Variants in XPR1 observed in about 807,000 individuals in gnomAD.
XPR1 encodes xenotropic and polytropic retrovirus receptor 1, also known as solute carrier family 53 member 1.
In XPR1, 28 loss-of-function variants were observed where a neutral mutation model predicts 87.5. That is an observed-to-expected ratio of 0.32 (90% confidence interval 0.24 to 0.44). The LOEUF (loss-of-function observed/expected upper bound fraction) is 0.44. XPR1 is among the 20% of genes least tolerant of loss of function. The pLI, the probability that XPR1 is intolerant of heterozygous loss-of-function variation, is 1.00. For synonymous variants in XPR1, 300 were observed against 306.1 expected (o/e 0.98, Z 0.21); for missense variants, 559 against 862.3 (o/e 0.65, Z 4.41).
intron 1 of XPR1, among the ~76,000 whole-genome samples, chr1:180,632,785 C>T (rs1654635341): frequency 6.6e-6 from 1 of 152,234 alleles, no homozygotes; most frequent in Non-Finnish European, 1.5e-5. Flanking sequence ...AGCCCTTCGG[C>T]TTTTTCCCAC....
chr1:180,671,095 T>G (rs1296367030), intron 1 of XPR1, among the ~76,000 whole-genome samples: 2 of 152,220 alleles, frequency 1.3e-5, no homozygotes, highest in African/African-American at 4.8e-5. Flanking sequence ...GGTTAGATTA[T>G]GAAAATCAAA....
At chr1:180,840,532 T>TTGTGTC (rs1553253053) in intron 11 of XPR1, among the ~76,000 whole-genome samples, 7 of 110,448 alleles carry the variant, frequency 6.3e-5, no homozygotes, top group Non-Finnish European at 1.3e-4. Flanking sequence ...GTTAACATAT[T>TTGTGTC]TGTGTGTGTG....
intron 2 of XPR1, among the ~76,000 whole-genome samples, chr1:180,749,919 A>G (rs1647456659): frequency 6.6e-6 from 1 of 152,206 alleles, no homozygotes; most frequent in Non-Finnish European, 1.5e-5. Context: ...AAAAGGGCAA[A>G]TGAAGGGTTG....
At chr1:180,635,454 G>A (rs1571660608) in intron 1 of XPR1, among the ~76,000 whole-genome samples, 2 of 152,152 alleles carry the variant, frequency 1.3e-5, no homozygotes, top group East Asian at 1.9e-4. Flanking sequence ...CAGAATATTA[G>A]CAGAAGAAGC....
At chr1:180,781,852 G>A (rs1648955448) in intron 2 of XPR1, among the ~76,000 whole-genome samples, 1 of 151,880 alleles carries the variant, frequency 6.6e-6, no homozygotes, top group South Asian at 2.1e-4. Flanking sequence ...CTGGAGTGCG[G>A]TGGCACGAAC....
chr1:180,800,541 T>G (rs776139237), intron 3 of XPR1, among the ~76,000 whole-genome samples: 14 of 152,226 alleles, frequency 9.2e-5, no homozygotes, highest in Non-Finnish European at 1.6e-4. Flanking sequence ...CGTTTAGCCT[T>G]AGGAGAGCCT....
chr1:180,722,138 T>C (rs12076634), intron 2 of XPR1, among the ~76,000 whole-genome samples: 6,536 of 152,122 alleles, frequency 0.043, 506 homozygotes, highest in African/African-American at 0.15. Context: ...TGTGGTGGTG[T>C]GTGCCTGTAT....
At chr1:180,683,463 T>A (rs1277420896) in intron 2 of XPR1, among the ~76,000 whole-genome samples, 1 of 152,206 alleles carries the variant, frequency 6.6e-6, no homozygotes, top group Non-Finnish European at 1.5e-5. Context: ...TGATTTATAA[T>A]CCTTTGGGTA....
chr1:180,687,276 A>G (rs1349125093), intron 2 of XPR1, among the ~76,000 whole-genome samples: 7 of 152,046 alleles, frequency 4.6e-5, no homozygotes, highest in Admixed American at 6.6e-5. Flanking sequence ...TATTTTTTAA[A>G]TTTTCTTTCA....
intron 2 of XPR1, among the ~76,000 whole-genome samples, chr1:180,749,110 A>G (rs1317449849): frequency 6.6e-6 from 1 of 152,208 alleles, no homozygotes; most frequent in Non-Finnish European, 1.5e-5. Flanking sequence ...CTGAGGTGGG[A>G]GGATTGTTTT....
At chr1:180,874,040 C>T in intron 13 of XPR1, 98 bp downstream of exon 13, 1 of 1,341,706 alleles carries the variant, frequency 7.5e-7, no homozygotes, top group Non-Finnish European at 9.9e-7. Flanking sequence ...TACTTGAAAA[C>T]CTTTAATTTT....
chr1:180,729,646 T>C (rs1658484620), intron 2 of XPR1, among the ~76,000 whole-genome samples: 1 of 152,256 alleles, frequency 6.6e-6, no homozygotes, highest in Non-Finnish European at 1.5e-5. Context: ...ATTTCTCTAA[T>C]GAGTGGTAAT....
At chr1:180,846,771 G>C (rs1220202416) in intron 11 of XPR1, among the ~76,000 whole-genome samples, 1 of 151,352 alleles carries the variant, frequency 6.6e-6, no homozygotes, top group Non-Finnish European at 1.5e-5. Flanking sequence ...TTGATACTTT[G>C]GATAGGTATA....
chr1:180,776,467 A>C lies in XPR1; in HGVS notation c.122-11286A>C, dbSNP rs1437407475. Among the ~76,000 whole-genome samples, 4 of 152,000 alleles carry C rather than the reference A, an allele frequency of 2.6e-5. No individual in the cohort carries two copies. The East Asian group carries it at 7.7e-4, about 29-fold the overall frequency. On this transcript the variant is annotated intron_variant, in intron 2 of 14. Transcript: ENST00000367590. ...GTATAATGGAATAATTGTATAATGG[A>C]AATTATACAATTTCCATTATACAAT...
At chr1:180,711,241 A>G (rs1216782524) in intron 2 of XPR1, among the ~76,000 whole-genome samples, 1 of 152,058 alleles carries the variant, frequency 6.6e-6, no homozygotes, top group Non-Finnish European at 1.5e-5. Context: ...CAATCTCGGC[A>G]CTTTGGGAGG....
chr1:180,853,291 A>G (rs1206074373), intron 11 of XPR1, among the ~76,000 whole-genome samples: 1 of 152,078 alleles, frequency 6.6e-6, no homozygotes, highest in African/African-American at 2.4e-5. Context: ...GGAAATTTCT[A>G]TTCTATCTTT....
At chr1:180,826,640 A>G (rs1216407836) in intron 9 of XPR1, among the ~76,000 whole-genome samples, 1 of 152,210 alleles carries the variant, frequency 6.6e-6, no homozygotes, top group Non-Finnish European at 1.5e-5. Flanking sequence ...TACAGCTAAC[A>G]ATAAAGATTA....
chr1:180,685,183 T>G (rs955385568), intron 2 of XPR1, among the ~76,000 whole-genome samples: 14 of 151,986 alleles, frequency 9.2e-5, no homozygotes, highest in African/African-American at 3.4e-4. Context: ...TTATTGAGAG[T>G]TTTTAGCATG....
intron 1 of XPR1, among the ~76,000 whole-genome samples, chr1:180,636,934 C>A (rs916475088): frequency 1.3e-5 from 2 of 151,696 alleles, no homozygotes; most frequent in South Asian, 2.1e-4. Context: ...TGCCTGTAGT[C>A]CCACCTACGC....
Sources: allele counts gnomAD v4.1 joint callset (sites outside exome capture counted in the v4.1 genomes callset), GRCh38; gene constraint gnomAD v4.1.1; transcripts MANE v1.5; gene names NCBI Gene and HGNC (gene_info 2026-07-23, HGNC 2026-07-21).